Variants in DENND5B observed in about 807,000 individuals in gnomAD.
DENND5B encodes the protein DENN domain containing 5B.
Under a neutral mutation model 140.6 loss-of-function variants are expected in DENND5B, and 34 were observed. The ratio of observed to expected loss-of-function variants is 0.24; its 90% CI spans 0.18 to 0.32. DENND5B has a LOEUF of 0.32. DENND5B is among the 10% of genes least tolerant of loss of function. DENND5B has a pLI of 1.00. For missense variants in DENND5B, 1,142 were observed against 1,560.2 expected (o/e 0.73, Z 4.52); for synonymous variants, 551 against 562.1 (o/e 0.98, Z 0.28).
chr12:31,503,701 G>C (rs1049538736), intron 1 of DENND5B, among the ~76,000 whole-genome samples: 1 of 152,202 alleles, frequency 6.6e-6, no homozygotes, highest in Non-Finnish European at 1.5e-5. Context: ...GCTATGTTCA[G>C]GTTATCACTA....
chr12:31,456,207 G>A (rs1043513618), intron 4 of DENND5B, among the ~76,000 whole-genome samples: 1 of 151,750 alleles, frequency 6.6e-6, no homozygotes, highest in Admixed American at 6.6e-5. Context: ...GCGTGCACCT[G>A]TAATCCCAGC....
intron 5 of DENND5B, among the ~76,000 whole-genome samples, chr12:31,448,862 C>A (rs793182): frequency 0.92 from 140,308 of 152,150 alleles, 65,281 homozygotes; most frequent in East Asian, 0.99. Flanking sequence ...AACAAACAAA[C>A]AAAAACAAAT....
At chr12:31,588,635 T>C (rs917151233) in intron 1 of DENND5B, among the ~76,000 whole-genome samples, 1 of 152,220 alleles carries the variant, frequency 6.6e-6, no homozygotes. Flanking sequence ...ATACAAATGC[T>C]ACAACATTTT....
intron 1 of DENND5B, among the ~76,000 whole-genome samples, chr12:31,510,058 A>G (rs7972196): frequency 6.6e-6 from 1 of 152,152 alleles, no homozygotes; most frequent in Non-Finnish European, 1.5e-5. Context: ...CCTTTTAAGT[A>G]CGATATCTTA....
chr12:31,509,865 A>G (rs558277273), intron 1 of DENND5B, among the ~76,000 whole-genome samples: 8 of 152,310 alleles, frequency 5.3e-5, no homozygotes, highest in Non-Finnish European at 1.0e-4. Context: ...TGAAGGAGAC[A>G]GAGAATTAAT....
rs192567856 is a variant in DENND5B, at chr12:31,469,373, T to C, written c.905-8992A>G. ...AGAAGAAGAAGAAGAAGAAGAAATATAGAGGAGCTTCTGGACTGGCAAATA... is the reference window on the plus strand; with the variant it reads ...AGAAGAAGAAGAAGAAGAAGAAATACAGAGGAGCTTCTGGACTGGCAAATA... On this transcript the variant is annotated intron_variant, in intron 3 of 20. Transcript: ENST00000389082. 7.0e-5 allele frequency among the ~76,000 whole-genome samples: 10 copies of C among 142,320 alleles called. No homozygotes were observed. The East Asian group carries it at 8.3e-4, about 12-fold the overall frequency. The allele number at this position is 142,320 out of a possible 152,430, so 93.4% of individuals were successfully genotyped here. A position where few individuals can be genotyped will look rare whatever the true frequency, so the allele number is the denominator to read the frequency against.
intron 1 of DENND5B, among the ~76,000 whole-genome samples, chr12:31,546,889 C>T (rs1948883385): frequency 1.3e-5 from 2 of 152,204 alleles, no homozygotes; most frequent in South Asian, 4.1e-4. Context: ...TTTGAGTTTA[C>T]AGTCCGCAAC....
chr12:31,584,032 G>A (rs369433313), intron 1 of DENND5B, among the ~76,000 whole-genome samples: 14 of 152,120 alleles, frequency 9.2e-5, no homozygotes, highest in African/African-American at 2.9e-4. Flanking sequence ...GTTTTCTTCC[G>A]TATGAAGCTT....
At chr12:31,485,125 A>C (rs772311601) in intron 2 of DENND5B, among the ~76,000 whole-genome samples, 1 of 152,216 alleles carries the variant, frequency 6.6e-6, no homozygotes, top group Non-Finnish European at 1.5e-5. Context: ...AATCGATGAG[A>C]TGCATCAAAA....
chr12:31,403,897 CAA>C (rs751708684), intron 14 of DENND5B, among the ~76,000 whole-genome samples: 5,982 of 35,736 alleles, frequency 0.17, 270 homozygotes, highest in Non-Finnish European at 0.19. Flanking sequence ...ACTCCATCTC[CAA>C]AAAAAAAAAA....
intron 2 of DENND5B, among the ~76,000 whole-genome samples, chr12:31,481,909 G>A (rs1178253717): frequency 1.3e-5 from 2 of 152,166 alleles, no homozygotes; most frequent in Non-Finnish European, 2.9e-5. Flanking sequence ...GGAAGGGAGT[G>A]AGAGGCTAGA....
rs1260456688 is a variant in DENND5B at position 31,447,701 on chromosome 12, C to T, written c.1698G>A (p.Met566Ile). The change falls in exon 6 of 21, where the codon ATG becomes ATA. Residue 566 changes from methionine (M) to isoleucine (I), a missense_variant. Met to Ile is a conservative substitution (Grantham distance 10). This residue lies in a region of DENND5B where 708 missense variants were observed against 905.5 expected (regional missense o/e 0.78). Transcript: ENST00000389082. ...PFLSRFIETQ[M>I]FATFIDNKIM... ...TTTTATTATCAATAAAGGTGGCAAA[C>T]ATCTGTGTTTCAATGAAGCGTGAAA... The T allele has an allele frequency of 1.2e-5, 19 of 1,612,232 alleles. No homozygotes were observed. The highest frequency in any genetic ancestry group is 1.3e-5 in the African/African-American group (1 of 74,868).
At chr12:31,489,571 G>A (rs193095571) in intron 2 of DENND5B, among the ~76,000 whole-genome samples, 53 of 152,322 alleles carry the variant, frequency 3.5e-4, no homozygotes, top group African/African-American at 1.2e-3. Context: ...GAGAAGTATT[G>A]TAAGCAAGTA....
intron 2 of DENND5B, among the ~76,000 whole-genome samples, chr12:31,486,151 G>A (rs1176541368): frequency 6.6e-6 from 1 of 152,216 alleles, no homozygotes; most frequent in Non-Finnish European, 1.5e-5. Context: ...GGTATTAAAA[G>A]GTGGGGACTT....
chr12:31,572,743 C>T (rs1439259173), intron 1 of DENND5B, among the ~76,000 whole-genome samples: 3 of 151,940 alleles, frequency 2.0e-5, no homozygotes, highest in Non-Finnish European at 4.4e-5. Flanking sequence ...TGTATGACAC[C>T]CTCTAATTCT....
intron 2 of DENND5B, among the ~76,000 whole-genome samples, chr12:31,481,652 T>G (rs746870946): frequency 2.0e-5 from 3 of 151,884 alleles, no homozygotes; most frequent in Non-Finnish European, 4.4e-5. Context: ...AACAGGTCAG[T>G]GTGGGTGGGG....
chr12:31,564,009 AG>A (rs751341034), intron 1 of DENND5B, among the ~76,000 whole-genome samples: 2 of 152,066 alleles, frequency 1.3e-5, no homozygotes, highest in African/African-American at 2.4e-5. Context: ...CCCAGCTACT[AG>A]GGAGGCTGAG....
chr12:31,511,339 A>G (rs558952782), intron 1 of DENND5B, among the ~76,000 whole-genome samples: 45 of 152,340 alleles, frequency 3.0e-4, no homozygotes, highest in African/African-American at 1.1e-3. Flanking sequence ...CAAAATCTAC[A>G]AATTAGAACA....
intron 3 of DENND5B, among the ~76,000 whole-genome samples, chr12:31,476,082 C>T (rs755105127): frequency 6.6e-6 from 1 of 150,432 alleles, no homozygotes; most frequent in Non-Finnish European, 1.5e-5. Flanking sequence ...GCTGAGATTG[C>T]GCCACTGCAC....
Sources: gnomAD v4.1 joint callset for allele counts (sites outside exome capture counted in the v4.1 genomes callset) on GRCh38, gnomAD v4.1.1 for gene constraint, gnomAD v4.1.1 regional missense constraint, MANE v1.5 for transcripts, NCBI Gene and HGNC (gene_info 2026-07-23, HGNC 2026-07-21) for gene names.